SETD5: variants seen among roughly 807,000 people sequenced by gnomAD.
SETD5 encodes the protein SET domain containing 5.
Under a neutral mutation model 153.3 loss-of-function variants are expected in SETD5, and 44 were observed. That is an observed-to-expected ratio of 0.29 (90% CI 0.23 to 0.37). The LOEUF is 0.37. Ranked by LOEUF, SETD5 falls within the 10% of genes least tolerant of loss-of-function variation. The probability of loss-of-function intolerance (pLI) is 1.00; values close to 1 mark genes in which losing one functional copy is unlikely to be tolerated. For missense variants in SETD5, 1,544 were observed against 1,768.0 expected (o/e 0.87, Z 2.27); for synonymous variants, 716 against 645.2 (o/e 1.11, Z -1.66).
chr3:9,401,632 T>A (rs746836876), intron 1 of SETD5, among the ~76,000 whole-genome samples: 3 of 152,204 alleles, frequency 2.0e-5, no homozygotes, highest in Non-Finnish European at 4.4e-5. Flanking sequence ...ATCCTCTCCA[T>A]GTTGAAATAA....
In SETD5 at chr3:9,447,164, A is replaced by G. The variant is rs370512198; in HGVS notation, c.1639A>G (p.Thr547Ala). The G allele has an allele frequency of 1.2e-6, 2 of 1,614,010 alleles. No homozygotes were observed. The highest frequency in any genetic ancestry group is 1.6e-4 in the Middle Eastern group (1 of 6,062). The stretch of plus-strand genomic sequence containing the variant: ...GAGCAACTCTGATGTAGAGATTACT[A>G]CAACCACCTCAGAGACTCCTGTTGG... The part of the protein sequence containing the change: ...EQSNSDVEIT[T>A]TTSETPVGEE... The change falls in exon 14 of 23, where the codon ACA (threonine) becomes GCA (alanine). Residue 547 changes from threonine to alanine, a missense_variant. By Grantham distance (58) the Thr-to-Ala change is moderately conservative (BLOSUM62 0). Coordinates refer to ENST00000402198, the MANE Select transcript of SETD5 (RefSeq NM_001080517.3).
intron 3 of SETD5, 62 bp from the exon 4 acceptor site, chr3:9,433,783 G>A (rs1359679453): frequency 2.0e-6 from 3 of 1,507,014 alleles, no homozygotes; most frequent in African/African-American, 1.4e-5. Context: ...GGGAAATGAA[G>A]TGTTAGTTTA....
At position 9,402,196 on chromosome 3, in the gene SETD5, C is replaced by G. The variant is rs551368996; in HGVS notation, c.-177+4219C>G. On this transcript the variant is annotated intron_variant, in intron 1 of 22. Transcript: ENST00000402198. ...AATTATGAATTGCGTAAAAGATACC[C>G]AGTAACTTTGGGGGGAGGTGCTGTT... Among the ~76,000 whole-genome samples the G allele has an allele frequency of 3.3e-5, 5 of 152,136 alleles. No homozygotes were observed. In the East Asian group the frequency reaches 9.7e-4, roughly 29 times the overall value.
rs779573732 is a variant in SETD5 at position 9,475,843 on chromosome 3, G to T, written c.4081G>T (p.Val1361Phe). The change falls in exon 23 of 23, where the codon GTT (valine) becomes TTT (phenylalanine). Residue 1361 changes from valine (V) to phenylalanine (F), a missense_variant. Val to Phe is a conservative substitution (Grantham distance 50). Transcript: ENST00000402198. Reference sequence around the variant, plus strand: ...CTCAGACTCGCCAACCTCAGATTCAGTTTCTCAGTCCAGCACAGGAACTCT... The same window carrying T: ...CTCAGACTCGCCAACCTCAGATTCATTTTCTCAGTCCAGCACAGGAACTCT... ...GPSDSPTSDS[V>F]SQSSTGTLSS... The T allele has an allele frequency of 8.7e-6, 14 of 1,613,908 alleles. No homozygotes were observed. Among genetic ancestry groups the T allele is most frequent in the Non-Finnish European group, 1.2e-5 (14 of 1,179,908 alleles).
At chr3:9,457,526 T>C (rs1057241498) in intron 17 of SETD5, among the ~76,000 whole-genome samples, 2 of 150,664 alleles carry the variant, frequency 1.3e-5, no homozygotes, top group Non-Finnish European at 3.0e-5. Context: ...AATAAGAGTT[T>C]ATTAATATCA....
chr3:9,432,170 C>G (rs1020686350), intron 3 of SETD5: 2 of 378,528 alleles, frequency 5.3e-6, no homozygotes, highest in South Asian at 2.2e-4. Context: ...TGATGTACCC[C>G]TCCCCCGTTC....
At chr3:9,412,665 C>T (rs1422426728) in intron 1 of SETD5, among the ~76,000 whole-genome samples, 1 of 151,852 alleles carries the variant, frequency 6.6e-6, no homozygotes, top group African/African-American at 2.4e-5. Context: ...CATACCTCAG[C>T]CTCCCAAAGC....
At chr3:9,432,152 T>C (rs1223068167) in intron 3 of SETD5, 1 of 241,384 alleles carries the variant, frequency 4.1e-6, no homozygotes, top group Non-Finnish European at 6.7e-6. Flanking sequence ...AATACTGACC[T>C]GCATTCTTGA....
intron 1 of SETD5, among the ~76,000 whole-genome samples, chr3:9,412,252 A>G (rs934674675): frequency 6.6e-6 from 1 of 151,962 alleles, no homozygotes; most frequent in Non-Finnish European, 1.5e-5. Context: ...GTAGAGTGCT[A>G]TAAGGAATTC....
At chr3:9,464,834 AG>A in intron 18 of SETD5, 162 bp downstream of exon 18, 9 of 1,123,710 alleles carry the variant, frequency 8.0e-6, no homozygotes, top group Non-Finnish European at 1.1e-5. Context: ...GTTACCTGGT[AG>A]CCTCTCATCT....
Position 9,445,793 on chromosome 3 carries a change from A to G in SETD5, c.1524+53A>G, listed in dbSNP as rs191020820. 8.5e-5 allele frequency: 111 copies of G among 1,302,538 alleles called. 1 individual carries two copies. Among genetic ancestry groups the G allele is most frequent in the East Asian group, 7.8e-4 (33 of 42,210 alleles). 80.7% of individuals were successfully genotyped at this position (1,302,538 alleles called of 1,614,324 possible). ...CCTTCTCATTCCTGCTACCTCCATC[A>G]TGTGAACCTCTTCTGTTCTCTTGAC... On this transcript the variant is annotated intron_variant, in intron 13 of 22. Coordinates refer to ENST00000402198, the MANE Select transcript of SETD5 (RefSeq NM_001080517.3).
chr3:9,430,229 A>G (rs922292737), intron 3 of SETD5: 2 of 985,124 alleles, frequency 2.0e-6, no homozygotes, highest in Non-Finnish European at 1.2e-6. Context: ...ATATTTCTTC[A>G]TAAAGCCACC....
chr3:9,436,224 C>G lies in SETD5; in HGVS notation c.567+318C>G, dbSNP rs2040551779. On this transcript the variant is annotated intron_variant, in intron 7 of 22. Coordinates refer to ENST00000402198, the MANE Select transcript of SETD5 (RefSeq NM_001080517.3). The stretch of plus-strand genomic sequence containing the variant: ...GCTTCCACTATCCTTACAGTATCTC[C>G]CCACCTCTCAACCCCAAAGTACAGT... Among the ~76,000 whole-genome samples, 3 of 152,272 alleles carry G rather than the reference C, an allele frequency of 2.0e-5. No homozygotes were observed. The South Asian group carries it at 6.2e-4, about 32-fold the overall frequency.
chr3:9,404,289 G>A (rs907849642), intron 1 of SETD5, among the ~76,000 whole-genome samples: 1 of 151,882 alleles, frequency 6.6e-6, no homozygotes, highest in African/African-American at 2.4e-5. Flanking sequence ...TATTAAGCAA[G>A]CCTGACCAAG....
chr3:9,443,244 T>G, intron 10 of SETD5, 64 bp from the exon 11 acceptor site: 1 of 1,177,708 alleles, frequency 8.5e-7, no homozygotes. Context: ...AGTATGGTTT[T>G]TTTCTCTCTT....
chr3:9,453,581 G>A (rs543055108), intron 16 of SETD5, among the ~76,000 whole-genome samples, 158 bp from the exon 17 acceptor site: 2 of 152,286 alleles, frequency 1.3e-5, no homozygotes, highest in East Asian at 3.9e-4. Flanking sequence ...ATAGGACAAT[G>A]TTCCAATATG....
intron 1 of SETD5, among the ~76,000 whole-genome samples, chr3:9,405,799 G>C (rs868100215): frequency 1.3e-5 from 2 of 152,104 alleles, no homozygotes; most frequent in African/African-American, 4.8e-5. Flanking sequence ...TTGTCGTTTT[G>C]TATGAAGGGG....
At chr3:9,457,242 A>G (rs2043366438) in intron 17 of SETD5, among the ~76,000 whole-genome samples, 1 of 152,126 alleles carries the variant, frequency 6.6e-6, no homozygotes, top group Admixed American at 6.5e-5. Flanking sequence ...TAATCCCAGC[A>G]CTTTGGGAGG....
chr3:9,468,497 A>G (rs1335112756), intron 18 of SETD5: 46 of 1,303,786 alleles, frequency 3.5e-5, no homozygotes, highest in Non-Finnish European at 6.1e-6. Flanking sequence ...GAATAATAAC[A>G]AGATGCTTTT....
Sources: allele counts gnomAD v4.1 joint callset (sites outside exome capture counted in the v4.1 genomes callset), GRCh38; gene constraint gnomAD v4.1.1; transcripts MANE v1.5; gene names NCBI Gene and HGNC (gene_info 2026-07-23, HGNC 2026-07-21).